SLC24A3: variants seen among roughly 807,000 people sequenced by gnomAD.
SLC24A3 encodes the protein solute carrier family 24 member 3.
A neutral mutation model predicts 75.8 loss-of-function variants in SLC24A3; 28 were observed. The ratio of observed to expected loss-of-function variants is 0.37; its 90% confidence interval spans 0.27 to 0.51. SLC24A3 has a LOEUF of 0.51. Ranked by LOEUF, SLC24A3 falls within the 20% of genes least tolerant of loss-of-function variation. The pLI is 0.94. For missense variants in SLC24A3, 663 were observed against 847.8 expected, an observed-to-expected ratio of 0.78 and a Z score of 2.71; for synonymous variants, 372 against 334.1, an observed-to-expected ratio of 1.11 and a Z score of -1.24.
At chr20:19,239,982 G>A (rs915236054) in intron 1 of SLC24A3, among the ~76,000 whole-genome samples, 1 of 152,190 alleles carries the variant, frequency 6.6e-6, no homozygotes, top group Non-Finnish European at 1.5e-5. Flanking sequence ...CTGTCTTCCT[G>A]CAGGCTGCCC....
At chr20:19,223,613 A>C (rs2122136201) in intron 1 of SLC24A3, among the ~76,000 whole-genome samples, 1 of 152,326 alleles carries the variant, frequency 6.6e-6, no homozygotes, top group South Asian at 2.1e-4. Flanking sequence ...GATTAACAAT[A>C]ACTAACAATA....
chr20:19,614,682 G>A (rs1473522465), intron 6 of SLC24A3, among the ~76,000 whole-genome samples: 1 of 152,230 alleles, frequency 6.6e-6, no homozygotes, highest in African/African-American at 2.4e-5. Context: ...TTGGGAGAGT[G>A]CACTCGGTGA....
chr20:19,431,822 C>T (rs986209113), intron 2 of SLC24A3, among the ~76,000 whole-genome samples: 6 of 151,854 alleles, frequency 4.0e-5, no homozygotes, highest in African/African-American at 1.5e-4. Flanking sequence ...CTGGGCAACA[C>T]AGAGGCATGG....
rs80245704 is a variant in SLC24A3 at position 19,675,141 on chromosome 20, T to C, written c.767+1487T>C. Among the ~76,000 whole-genome samples the C allele has an allele frequency of 6.0e-3, 912 of 152,336 alleles. 2 individuals carry two copies. The highest frequency in any genetic ancestry group is 0.027 in the Middle Eastern group (8 of 294). Reference sequence around the variant, plus strand: ...CCATGGTGGTAAGCCTGCTGGTTCATCTTTTTGCCAGGCACCACTGGGATG... The same window carrying C: ...CCATGGTGGTAAGCCTGCTGGTTCACCTTTTTGCCAGGCACCACTGGGATG... On this transcript the variant is annotated intron_variant, in intron 9 of 16. Coordinates refer to ENST00000328041, the MANE Select transcript of SLC24A3 (RefSeq NM_020689.4).
At chr20:19,646,523 CGAT>C (rs2032139121) in intron 6 of SLC24A3, among the ~76,000 whole-genome samples, 1 of 152,132 alleles carries the variant, frequency 6.6e-6, no homozygotes, top group South Asian at 2.1e-4. Context: ...ATGTTAACAA[CGAT>C]AACAGTTAAC....
intron 1 of SLC24A3, among the ~76,000 whole-genome samples, chr20:19,237,904 G>A (rs1342770099): frequency 1.3e-5 from 2 of 152,114 alleles, no homozygotes; most frequent in South Asian, 2.1e-4. Flanking sequence ...TCGATTTTAC[G>A]GGTGCCTGAG....
intron 2 of SLC24A3, among the ~76,000 whole-genome samples, chr20:19,442,138 G>T (rs1987308517): frequency 6.6e-6 from 1 of 152,064 alleles, no homozygotes; most frequent in Non-Finnish European, 1.5e-5. Context: ...CCAAGTTTTG[G>T]CAATTAAGAA....
chr20:19,581,465 G>A (rs993730680), intron 4 of SLC24A3, among the ~76,000 whole-genome samples: 1 of 152,152 alleles, frequency 6.6e-6, no homozygotes, highest in Non-Finnish European at 1.5e-5. Context: ...CCATGCCCTT[G>A]TAGGGAGAGG....
intron 2 of SLC24A3, among the ~76,000 whole-genome samples, chr20:19,452,762 C>A (rs939540633): frequency 5.3e-5 from 8 of 151,112 alleles, no homozygotes; most frequent in African/African-American, 2.0e-4. Flanking sequence ...GTGCTGTAAT[C>A]TCAGCACTTT....
intron 6 of SLC24A3, among the ~76,000 whole-genome samples, chr20:19,647,342 G>T (rs1484543515): frequency 6.6e-6 from 1 of 152,154 alleles, no homozygotes; most frequent in African/African-American, 2.4e-5. Flanking sequence ...GTCTGTTTCT[G>T]GGTGAATCCA....
intron 2 of SLC24A3, among the ~76,000 whole-genome samples, chr20:19,352,649 C>T (rs1985597178): frequency 6.6e-6 from 1 of 152,198 alleles, no homozygotes. Context: ...CTTGGTTTCT[C>T]ACCCCAAAGC....
chr20:19,511,036 G>C (rs957997374), intron 2 of SLC24A3, among the ~76,000 whole-genome samples: 2 of 152,180 alleles, frequency 1.3e-5, no homozygotes, highest in Non-Finnish European at 2.9e-5. Flanking sequence ...ACAGGCAGGC[G>C]TCAGTGGACG....
intron 2 of SLC24A3, among the ~76,000 whole-genome samples, chr20:19,491,346 C>T (rs1446986423): frequency 1.3e-5 from 2 of 152,232 alleles, no homozygotes; most frequent in Non-Finnish European, 2.9e-5. Flanking sequence ...TAACTAACCT[C>T]TTCAAAGATG....
At chr20:19,405,523 G>A (rs1986629021) in intron 2 of SLC24A3, among the ~76,000 whole-genome samples, 1 of 152,158 alleles carries the variant, frequency 6.6e-6, no homozygotes, top group South Asian at 2.1e-4. Flanking sequence ...TTAGTACCCT[G>A]GCCACATGTA....
At chr20:19,530,400 C>G (rs531710234) in intron 3 of SLC24A3, among the ~76,000 whole-genome samples, 1 of 152,100 alleles carries the variant, frequency 6.6e-6, no homozygotes, top group East Asian at 1.9e-4. Flanking sequence ...GGAACTGGTT[C>G]AGTGGTTAAA....
At chr20:19,307,164 C>T (rs554034015) in intron 2 of SLC24A3, among the ~76,000 whole-genome samples, 2 of 152,344 alleles carry the variant, frequency 1.3e-5, no homozygotes, top group African/African-American at 4.8e-5. Context: ...AACATCCATC[C>T]TCTCATCTCA....
intron 2 of SLC24A3, among the ~76,000 whole-genome samples, chr20:19,458,438 T>C (rs538804690): frequency 6.6e-6 from 1 of 152,330 alleles, no homozygotes; most frequent in African/African-American, 2.4e-5. Context: ...ACATTCACAT[T>C]GTCTGTGCAA....
intron 9 of SLC24A3, among the ~76,000 whole-genome samples, chr20:19,678,250 G>C (rs2032552830): frequency 6.7e-6 from 1 of 149,846 alleles, no homozygotes; most frequent in South Asian, 2.1e-4. Flanking sequence ...GTGGTGGCCG[G>C]GCAGAGGGGC....
intron 2 of SLC24A3, among the ~76,000 whole-genome samples, chr20:19,472,024 G>A (rs1363849518): frequency 6.6e-6 from 1 of 152,120 alleles, no homozygotes; most frequent in South Asian, 2.1e-4. Flanking sequence ...TTCAATTTTT[G>A]CAAATATTTA....
Sources: allele counts gnomAD v4.1 joint callset (sites outside exome capture counted in the v4.1 genomes callset), GRCh38; gene constraint gnomAD v4.1.1; transcripts MANE v1.5; gene names NCBI Gene and HGNC (gene_info 2026-07-23, HGNC 2026-07-21).